The following EHBP1 variants were observed in gnomAD, a reference collection of about 807,000 sequenced individuals.
EHBP1 encodes the protein EH domain-binding protein 1.
Under a neutral mutation model 144.0 loss-of-function variants are expected in EHBP1, and 55 were observed. The ratio of observed to expected loss-of-function variants is 0.38; its 90% CI spans 0.31 to 0.48. EHBP1 has a LOEUF of 0.48. EHBP1 is among the 20% of genes least tolerant of loss of function. The probability of loss-of-function intolerance (pLI) is 0.98; values close to 1 mark genes in which losing one functional copy is unlikely to be tolerated. For missense variants in EHBP1, 1,200 were observed against 1,364.2 expected (o/e 0.88, Z 1.90); for synonymous variants, 469 against 472.7 (o/e 0.99, Z 0.10).
chr2:62,826,021 T>C (rs1478603274), intron 5 of EHBP1, 66 bp from the exon 6 acceptor site: 7 of 1,155,616 alleles, frequency 6.1e-6, no homozygotes. Flanking sequence ...ATTAAAATCG[T>C]ACTTTAAAAT....
At chr2:62,906,500 T>C (rs905672590) in intron 10 of EHBP1, among the ~76,000 whole-genome samples, 2 of 152,260 alleles carry the variant, frequency 1.3e-5, no homozygotes, top group African/African-American at 4.8e-5. Context: ...GGATGTATAG[T>C]ATACAAGTAT....
intron 9 of EHBP1, 91 bp downstream of exon 9, chr2:62,865,062 T>A: frequency 7.4e-7 from 1 of 1,352,700 alleles, no homozygotes; most frequent in Non-Finnish European, 1.0e-6. Flanking sequence ...TGGGTACAAA[T>A]CATTAATGTA....
chr2:62,688,146 C>T (rs2033780722), intron 1 of EHBP1, among the ~76,000 whole-genome samples: 1 of 152,062 alleles, frequency 6.6e-6, no homozygotes, highest in Non-Finnish European at 1.5e-5. Flanking sequence ...GAGAGAATTA[C>T]TGAATAAAGT....
chr2:62,904,314 T>C (rs983038741), intron 10 of EHBP1, among the ~76,000 whole-genome samples: 1 of 152,190 alleles, frequency 6.6e-6, no homozygotes, highest in Non-Finnish European at 1.5e-5. Context: ...CTTTCTCAAA[T>C]ATTTACAGTT....
chr2:62,687,579 T>C (rs2033760400), intron 1 of EHBP1, among the ~76,000 whole-genome samples: 1 of 152,236 alleles, frequency 6.6e-6, no homozygotes, highest in Admixed American at 6.5e-5. Flanking sequence ...TAGGTATTTC[T>C]ATCTAGGTTC....
At chr2:62,811,105 TATA>T (rs1366111201) in intron 5 of EHBP1, among the ~76,000 whole-genome samples, 11 of 152,232 alleles carry the variant, frequency 7.2e-5, no homozygotes, top group African/African-American at 2.7e-4. Flanking sequence ...CTAAAATCAA[TATA>T]ATTTTTATAA....
chr2:63,038,931 T>C, intron 21 of EHBP1, 115 bp downstream of exon 21: 1 of 812,790 alleles, frequency 1.2e-6, no homozygotes, highest in Non-Finnish European at 2.0e-6. Context: ...CCTTCCGGAA[T>C]TGCAAATAAA....
At chr2:62,997,347 A>AG (rs1294918837) in intron 19 of EHBP1, among the ~76,000 whole-genome samples, 1 of 152,022 alleles carries the variant, frequency 6.6e-6, no homozygotes, top group East Asian at 1.9e-4. Context: ...TCCTAACCAG[A>AG]GGGCAGATTG....
chr2:62,758,240 C>T (rs1558621483), intron 3 of EHBP1, among the ~76,000 whole-genome samples: 2 of 152,064 alleles, frequency 1.3e-5, no homozygotes, highest in African/African-American at 2.4e-5. Flanking sequence ...TCCTGAATAG[C>T]TGGGATTACA....
In EHBP1 at chr2:62,686,746, T is replaced by C. The variant is rs1201446764; in HGVS notation, c.-296+12663T>C. Among the ~76,000 whole-genome samples the C allele has an allele frequency of 2.0e-5, 3 of 152,362 alleles. No homozygotes were observed. In the East Asian group the frequency reaches 5.8e-4, roughly 29 times the overall value. On this transcript the variant is annotated intron_variant, in intron 1 of 22. Coordinates refer to the EHBP1 transcript ENST00000405015. Reference sequence around the variant, plus strand: ...ACATTATTTAATATTGCACACCATTTATTTCATTTGGAATCTCTTATTTTA... The same window carrying C: ...ACATTATTTAATATTGCACACCATTCATTTCATTTGGAATCTCTTATTTTA...
At chr2:63,039,145 G>A (rs372256236) in intron 21 of EHBP1, among the ~76,000 whole-genome samples, 2 of 152,090 alleles carry the variant, frequency 1.3e-5, no homozygotes, top group South Asian at 2.1e-4. Flanking sequence ...GTTTCCACTC[G>A]GGAGGTTTGG....
chr2:62,933,090 T>G (rs571299829), intron 10 of EHBP1, among the ~76,000 whole-genome samples: 10 of 152,030 alleles, frequency 6.6e-5, no homozygotes, highest in Admixed American at 6.6e-4. Flanking sequence ...TTTACAATAT[T>G]AGAAATTAAC....
chr2:62,732,943 C>T (rs939830752), intron 2 of EHBP1, among the ~76,000 whole-genome samples: 1 of 152,152 alleles, frequency 6.6e-6, no homozygotes, highest in Non-Finnish European at 1.5e-5. Context: ...CAAAGGCATT[C>T]ATCATTTCTA....
intron 9 of EHBP1, among the ~76,000 whole-genome samples, chr2:62,865,818 GATCCCAGTAATC>G (rs2049990631): frequency 6.6e-6 from 1 of 152,158 alleles, no homozygotes; most frequent in South Asian, 2.1e-4. Context: ...AAAAAACTCA[GATCCCAGTAATC>G]ACCCTGAATT....
Position 62,826,285 on chromosome 2 carries a change from A to C in EHBP1, c.494+17A>C, listed in dbSNP as rs1312848509. On this transcript the variant is annotated intron_variant, in intron 6 of 22. Coordinates refer to ENST00000431489, the MANE Select transcript of EHBP1 (RefSeq NM_001142616.3). ...AAAAGCCACGTAAGTTTCTTTTGTC[A>C]AATAAGCTTCCTTACATTGTGTTTC... The C allele has an allele frequency of 6.3e-7, 1 of 1,583,024 alleles. No homozygotes were observed. The highest frequency in any genetic ancestry group is 2.3e-5 in the East Asian group (1 of 44,162).
At chr2:62,780,664 T>C (rs1452190648) in intron 5 of EHBP1, among the ~76,000 whole-genome samples, 1 of 152,182 alleles carries the variant, frequency 6.6e-6, no homozygotes, top group Non-Finnish European at 1.5e-5. Flanking sequence ...TCATGCATGC[T>C]TTGAGCCTGT....
At chr2:62,700,648 A>C (rs2034254039) in intron 1 of EHBP1, among the ~76,000 whole-genome samples, 1 of 152,188 alleles carries the variant, frequency 6.6e-6, no homozygotes, top group Non-Finnish European at 1.5e-5. Flanking sequence ...GAACCTCCAC[A>C]GTACTATGTA....
intron 9 of EHBP1, among the ~76,000 whole-genome samples, chr2:62,870,660 G>A (rs946397829): frequency 6.9e-6 from 1 of 144,952 alleles, no homozygotes; most frequent in Non-Finnish European, 1.5e-5. Context: ...AGGTTGCAGT[G>A]AGCCCAGATC....
chr2:62,778,541 C>CA (rs955575672), intron 5 of EHBP1, among the ~76,000 whole-genome samples: 3,736 of 81,340 alleles, frequency 0.046, 70 homozygotes, highest in East Asian at 0.096. Flanking sequence ...GAGACCCTGT[C>CA]AAAAAAAAAA....
Sources: allele counts gnomAD v4.1 joint callset (sites outside exome capture counted in the v4.1 genomes callset), GRCh38; gene constraint gnomAD v4.1.1; transcripts MANE v1.5; gene names NCBI Gene and HGNC (gene_info 2026-07-23, HGNC 2026-07-21).